Variants in MYO5B observed in about 807,000 individuals in gnomAD.
The protein encoded by MYO5B is myosin VB.
In MYO5B, 143 loss-of-function variants were observed where a neutral mutation model predicts 229.3. That is an observed-to-expected ratio of 0.62 (90% CI 0.54 to 0.72). The LOEUF is 0.72. Among genes scored for constraint, MYO5B ranks in the 30% least tolerant of loss-of-function variants. The probability of loss-of-function intolerance (pLI) is 0.00; values close to 1 mark genes in which losing one functional copy is unlikely to be tolerated. For missense variants in MYO5B, 2,321 were observed against 2,331.0 expected (o/e 1.00, Z 0.09); for synonymous variants, 918 against 885.2 (o/e 1.04, Z -0.66).
At chr18:50,119,752 A>G (rs186181765) in intron 1 of MYO5B, among the ~76,000 whole-genome samples, 209 of 152,308 alleles carry the variant, frequency 1.4e-3, no homozygotes, top group African/African-American at 4.9e-3. Context: ...ACTGAACTAC[A>G]CTCCAGCTCT....
At chr18:50,087,445 CGCCTGTAATCCCA>C (rs999850710) in intron 1 of MYO5B, among the ~76,000 whole-genome samples, 7 of 151,646 alleles carry the variant, frequency 4.6e-5, no homozygotes, top group South Asian at 2.1e-4. Flanking sequence ...TGGTGGCACG[CGCCTGTAATCCCA>C]GCTACTAGGG....
rs568315666 is a variant in MYO5B at position 49,822,969 on chromosome 18, T to G, written c.*3502A>C. 2 of 151,676 alleles carry G rather than the reference T, an allele frequency of 1.3e-5. No homozygotes were observed. The highest frequency in any genetic ancestry group is 4.2e-4 in the South Asian group (2 of 4,788). The allele number at this position is 151,676 out of a possible 1,614,324, so 9.4% of individuals were successfully genotyped here. A position where few individuals can be genotyped will look rare whatever the true frequency, so the allele number is the denominator to read the frequency against. ...TAGTCTTTCTTCCATGGTGTTGGAT[T>G]CACCCCTGAATATGATCTGAACTCT... On this transcript the variant is annotated 3_prime_UTR_variant, in exon 40 of 40. Coordinates refer to ENST00000285039, the MANE Select transcript of MYO5B (RefSeq NM_001080467.3).
intron 2 of MYO5B, among the ~76,000 whole-genome samples, chr18:50,043,651 A>G (rs1419492120): frequency 7.2e-6 from 1 of 138,220 alleles, no homozygotes; most frequent in African/African-American, 2.7e-5. Flanking sequence ...ATATTTATAA[A>G]TATGTAAATA....
At chr18:49,884,233 A>T (rs1348431623) in intron 22 of MYO5B, among the ~76,000 whole-genome samples, 1 of 152,236 alleles carries the variant, frequency 6.6e-6, no homozygotes. Flanking sequence ...CCTATCTGAT[A>T]CATCAGCAGT....
At chr18:49,979,581 T>C (rs16951349) in intron 9 of MYO5B, among the ~76,000 whole-genome samples, 3,219 of 152,316 alleles carry the variant, frequency 0.021, 90 homozygotes, top group African/African-American at 0.072. Context: ...GAATAAGCAT[T>C]AGCTTGTGAG....
chr18:49,936,467 G>A (rs1368726307), intron 15 of MYO5B, 118 bp from the exon 16 acceptor site: 1 of 820,666 alleles, frequency 1.2e-6, no homozygotes, highest in Non-Finnish European at 2.0e-6. Flanking sequence ...AATCCAGAAG[G>A]ATGGAAGAAA....
intron 39 of MYO5B, among the ~76,000 whole-genome samples, chr18:49,834,802 C>A (rs1339219599): frequency 2.0e-5 from 3 of 152,072 alleles, no homozygotes; most frequent in Non-Finnish European, 4.4e-5. Flanking sequence ...CCACGCCCGG[C>A]TAATTTTTTG....
chr18:50,092,028 T>G (rs147541412), intron 1 of MYO5B, among the ~76,000 whole-genome samples: 170 of 152,320 alleles, frequency 1.1e-3, no homozygotes, highest in South Asian at 6.4e-3. Flanking sequence ...CTTGGGCTAT[T>G]TCAGGGCTGT....
chr18:49,891,381 G>T (rs376102843), intron 22 of MYO5B, among the ~76,000 whole-genome samples: 36 of 152,114 alleles, frequency 2.4e-4, no homozygotes, highest in Non-Finnish European at 4.6e-4. Flanking sequence ...CCCTTGGGGG[G>T]TAATTCACGT....
At chr18:50,168,136 C>T (rs2032879184) in intron 1 of MYO5B, among the ~76,000 whole-genome samples, 1 of 152,184 alleles carries the variant, frequency 6.6e-6, no homozygotes, top group Non-Finnish European at 1.5e-5. Context: ...AATATAACCC[C>T]TAAGGCACCA....
chr18:50,118,863 C>T (rs1289831778), intron 1 of MYO5B, among the ~76,000 whole-genome samples: 2 of 152,060 alleles, frequency 1.3e-5, no homozygotes, highest in Non-Finnish European at 2.9e-5. Context: ...TAACAAGCTC[C>T]CAGGTGCTAC....
intron 1 of MYO5B, among the ~76,000 whole-genome samples, chr18:50,083,628 AG>A (rs2144474935): frequency 6.6e-6 from 1 of 152,336 alleles, no homozygotes; most frequent in Non-Finnish European, 1.5e-5. Flanking sequence ...CACAAAGGCA[AG>A]CCAGAATTAA....
intron 1 of MYO5B, among the ~76,000 whole-genome samples, chr18:50,103,565 A>T (rs73448742): frequency 0.043 from 6,475 of 152,286 alleles, 141 homozygotes; most frequent in African/African-American, 0.053. Context: ...GCTAGGCAAC[A>T]AAGTGAGGCC....
chr18:49,830,091 T>G (rs1455140597), intron 39 of MYO5B, among the ~76,000 whole-genome samples: 1 of 151,832 alleles, frequency 6.6e-6, no homozygotes, highest in African/African-American at 2.4e-5. Context: ...GCAGCCAATT[T>G]AAAATGATCC....
At chr18:50,101,759 G>A (rs553449697) in intron 1 of MYO5B, among the ~76,000 whole-genome samples, 1 of 152,306 alleles carries the variant, frequency 6.6e-6, no homozygotes, top group African/African-American at 2.4e-5. Context: ...TGAGGCTGTG[G>A]AGAAATAGGA....
chr18:49,884,709 C>T (rs2024624442), intron 22 of MYO5B, among the ~76,000 whole-genome samples: 1 of 152,134 alleles, frequency 6.6e-6, no homozygotes, highest in African/African-American at 2.4e-5. Context: ...TCCTGGACCA[C>T]TACTGGTCCA....
At chr18:49,943,158 T>A (rs7243637) in intron 14 of MYO5B, among the ~76,000 whole-genome samples, 3 of 140,748 alleles carry the variant, frequency 2.1e-5, no homozygotes, top group African/African-American at 7.9e-5. Context: ...TAGGTGGGAA[T>A]TGAACAATGA....
intron 4 of MYO5B, among the ~76,000 whole-genome samples, 185 bp from the exon 5 acceptor site, chr18:50,001,596 AG>A (rs2026047994): frequency 6.6e-6 from 1 of 152,210 alleles, no homozygotes; most frequent in Non-Finnish European, 1.5e-5. Context: ...TGAAAGCAGG[AG>A]GAAGAAAGCA....
chr18:50,144,855 C>A (rs78772710), intron 1 of MYO5B, among the ~76,000 whole-genome samples: 1 of 152,158 alleles, frequency 6.6e-6, no homozygotes, highest in Non-Finnish European at 1.5e-5. Context: ...GACCACCCCT[C>A]CCCCAGATCA....
Sources: gnomAD v4.1 joint callset for allele counts (sites outside exome capture counted in the v4.1 genomes callset) on GRCh38, gnomAD v4.1.1 for gene constraint, MANE v1.5 for transcripts, NCBI Gene and HGNC (gene_info 2026-07-23, HGNC 2026-07-21) for gene names.